SLC9B2: variants seen among roughly 807,000 people sequenced by gnomAD.
The protein encoded by SLC9B2 is solute carrier family 9 member B2.
Under a neutral mutation model 52.2 loss-of-function variants are expected in SLC9B2, and 39 were observed. The observed-to-expected ratio is 0.75, with a 90% CI of 0.58 to 0.98. SLC9B2 has a LOEUF of 0.98. SLC9B2 is among the 50% of genes least tolerant of loss of function. The pLI is 0.00. For synonymous variants in SLC9B2, 214 were observed against 227.0 expected (o/e 0.94, Z 0.51); for missense variants, 626 against 637.5 (o/e 0.98, Z 0.19).
At chr4:103,020,686 C>G (rs1741724502), downstream of SLC9B2, among the ~76,000 whole-genome samples, 1 of 152,170 alleles carries the variant, frequency 6.6e-6, no homozygotes, top group Non-Finnish European at 1.5e-5. Flanking sequence ...ATTACCCCGG[C>G]TGGAGTGCAG....
downstream of SLC9B2, chr4:103,020,269 C>T (rs113738337): frequency 0.026 from 8,941 of 338,850 alleles, 179 homozygotes; most frequent in Non-Finnish European, 0.034. Flanking sequence ...TTTTTTTTTC[C>T]GCATGAAATC....
At chr4:103,071,384 T>G (rs533577467) in intron 1 of SLC9B2, among the ~76,000 whole-genome samples, 1 of 149,680 alleles carries the variant, frequency 6.7e-6, no homozygotes, top group Non-Finnish European at 1.5e-5. Flanking sequence ...TTGTATTTTT[T>G]TTTTTTTTTT....
At chr4:103,040,497 C>G (rs1433006515) in intron 9 of SLC9B2, among the ~76,000 whole-genome samples, 1 of 152,014 alleles carries the variant, frequency 6.6e-6, no homozygotes, top group African/African-American at 2.4e-5. Context: ...AATGCCAAAA[C>G]TAAAATGAAT....
chr4:103,070,561 C>T (rs1424707031), intron 1 of SLC9B2, among the ~76,000 whole-genome samples: 1 of 152,176 alleles, frequency 6.6e-6, no homozygotes, highest in African/African-American at 2.4e-5. Flanking sequence ...CTGCCTCGGC[C>T]TTCTGAGTAG....
Position 103,038,073 on chromosome 4 carries a change from G to C in SLC9B2, c.1146+5223C>G, listed in dbSNP as rs184223228. Among the ~76,000 whole-genome samples, 339 of 152,142 alleles carry C rather than the reference G, an allele frequency of 2.2e-3. 2 individuals carry two copies. Among genetic ancestry groups the C allele is most frequent in the Admixed American group, 3.9e-3 (60 of 15,258 alleles). On this transcript the variant is annotated intron_variant, in intron 9 of 11. Transcript: ENST00000394785. ...GATGAGGTTTTGTCATGTTGCCTAG[G>C]CTGGTCTCAAACTCCAGAGCTCAGG...
Position 103,066,432 on chromosome 4 carries a change from C to T in SLC9B2, c.166G>A (p.Glu56Lys). 1 of 1,613,968 alleles carries T rather than the reference C, an allele frequency of 6.2e-7. No homozygotes were observed. Among genetic ancestry groups the T allele is most frequent in the Non-Finnish European group, 8.5e-7 (1 of 1,179,926 alleles). Residue 56 changes from glutamate (E) to lysine (K), a missense_variant, in exon 3 of 12, where the codon GAA becomes AAA. Coordinates refer to ENST00000394785, the MANE Select transcript of SLC9B2 (RefSeq NM_178833.7). ...TEGSILLKSS[E>K]KKLQETPTEA... The stretch of plus-strand genomic sequence containing the variant: ...GTTGGTGTTTCTTGTAGCTTTTTTT[C>T]ACTGCTTTTCAAAAGAATACTTCCT...
At chr4:103,067,892 T>C (rs1451896388) in intron 1 of SLC9B2, among the ~76,000 whole-genome samples, 1 of 152,230 alleles carries the variant, frequency 6.6e-6, no homozygotes, top group Non-Finnish European at 1.5e-5. Context: ...AATATCAGTG[T>C]TAAACTGTCC....
intron 5 of SLC9B2, among the ~76,000 whole-genome samples, chr4:103,049,601 T>C (rs1455196460): frequency 1.3e-5 from 2 of 152,166 alleles, no homozygotes; most frequent in Admixed American, 6.5e-5. Context: ...CAAAAATATG[T>C]TGTTTTCTCC....
At chr4:103,047,458 A>C (rs1450147706) in intron 6 of SLC9B2, among the ~76,000 whole-genome samples, 1 of 150,878 alleles carries the variant, frequency 6.6e-6, no homozygotes, top group Non-Finnish European at 1.5e-5. Context: ...TTTGTTACAT[A>C]TGTATACATG....
At chr4:103,071,290 G>A (rs886566023) in intron 1 of SLC9B2, among the ~76,000 whole-genome samples, 15 of 151,406 alleles carry the variant, frequency 9.9e-5, no homozygotes, top group African/African-American at 3.2e-4. Flanking sequence ...TGCAACCTCC[G>A]CCTCCTCGGT....
At chr4:103,057,691 A>C in intron 4 of SLC9B2, 110 bp downstream of exon 4, 1 of 1,217,558 alleles carries the variant, frequency 8.2e-7, no homozygotes. Flanking sequence ...TTTTGGCTCC[A>C]GCATGGCAAA....
intron 9 of SLC9B2, among the ~76,000 whole-genome samples, chr4:103,035,594 C>T (rs181897883): frequency 2.0e-5 from 3 of 152,186 alleles, no homozygotes; most frequent in East Asian, 1.9e-4. Context: ...TTTACACTTC[C>T]ACCAACAGAA....
downstream of SLC9B2, among the ~76,000 whole-genome samples, chr4:103,021,980 A>C (rs568519859): frequency 6.6e-6 from 1 of 152,346 alleles, no homozygotes; most frequent in South Asian, 2.1e-4. Context: ...CTTCTACACT[A>C]AAAACACTTT....
intron 9 of SLC9B2, among the ~76,000 whole-genome samples, chr4:103,037,639 C>T (rs767921406): frequency 8.5e-5 from 13 of 152,098 alleles, no homozygotes; most frequent in Non-Finnish European, 1.3e-4. Context: ...CATCAGATAA[C>T]GAGTTAAGTT....
rs570553593 is a variant in SLC9B2, at chr4:103,024,630, TA to T, written c.*1739del. The stretch of plus-strand genomic sequence containing the variant: ...ATAATTCATTCATCTAATACATATT[TA>T]ATATCTACTTCAAGATTAAAATGAA... On this transcript the variant is annotated 3_prime_UTR_variant, in exon 12 of 12. Coordinates refer to ENST00000394785, the MANE Select transcript of SLC9B2 (RefSeq NM_178833.7). Among the ~76,000 whole-genome samples the T allele has an allele frequency of 1.4e-3, 212 of 152,332 alleles. 1 individual carries two copies. The highest frequency in any genetic ancestry group is 4.8e-3 in the African/African-American group (200 of 41,574).
intron 11 of SLC9B2, 77 bp from the exon 12 acceptor site, chr4:103,026,668 C>A (rs1301147733): frequency 2.2e-6 from 3 of 1,367,954 alleles, no homozygotes; most frequent in Non-Finnish European, 3.0e-6. Context: ...TTATTGTTTG[C>A]AAAAGCAAAT....
intron 1 of SLC9B2, among the ~76,000 whole-genome samples, chr4:103,073,805 C>T (rs1490829432): frequency 6.6e-6 from 1 of 152,072 alleles, no homozygotes; most frequent in Non-Finnish European, 1.5e-5. Context: ...ATTTCTAGGC[C>T]CACTAAAATC....
Position 103,066,498 on chromosome 4 carries a change from C to T in SLC9B2, c.100G>A (p.Val34Ile), listed in dbSNP as rs746873592. The change falls in exon 3 of 12, where the codon GTT becomes ATT. Residue 34 changes from valine to isoleucine, a missense_variant. Val to Ile is a conservative substitution (Grantham distance 29). Coordinates refer to ENST00000394785, the MANE Select transcript of SLC9B2 (RefSeq NM_178833.7). ...GCATCTATACCTTTGAGCTTCATAACTGTCTCCTCCTGTGTTTAAAGTAAT... is the reference window on the plus strand; with the variant it reads ...GCATCTATACCTTTGAGCTTCATAATTGTCTCCTCCTGTGTTTAAAGTAAT... Reference protein sequence around the residue: ...SMHQEAQEETVMKLKGIDANE... With the variant: ...SMHQEAQEETIMKLKGIDANE... 4 of 1,612,110 alleles carry T rather than the reference C, an allele frequency of 2.5e-6. No individual in the cohort carries two copies. The South Asian group carries it at 4.4e-5, about 18-fold the overall frequency.
chr4:103,057,812 G>C lies in SLC9B2; in HGVS notation c.431C>G (p.Pro144Arg). 6.2e-7 allele frequency: 1 copy of C among 1,613,564 alleles called. No homozygotes were observed. The highest frequency in any genetic ancestry group is 1.7e-4 in the Middle Eastern group (1 of 6,060). ...CATTTAGCACTTACCAAGAAGAGAAGGCAGTGGAGGCAATGTAGGTAACTT... is the reference window on the plus strand; with the variant it reads ...CATTTAGCACTTACCAAGAAGAGAACGCAGTGGAGGCAATGTAGGTAACTT... ...LIKLPTLPPL[P>R]SLLGMLLAGF... is the part of the protein sequence containing the mutation. The change falls in exon 4 of 12, where the codon CCT (proline) becomes CGT (arginine). Residue 144 changes from proline to arginine, a missense_variant. Transcript: ENST00000394785.
Sources: gnomAD v4.1 joint callset for allele counts (sites outside exome capture counted in the v4.1 genomes callset) on GRCh38, gnomAD v4.1.1 for gene constraint, MANE v1.5 for transcripts, NCBI Gene and HGNC (gene_info 2026-07-23, HGNC 2026-07-21) for gene names.